The following PCDHA2 variants were observed in gnomAD, a reference collection of about 807,000 sequenced individuals.
PCDHA2 encodes the protein protocadherin alpha 2, also known as protocadherin alpha-2.
Under a neutral mutation model 66.0 loss-of-function variants are expected in PCDHA2, and 58 were observed. The ratio of observed to expected loss-of-function variants is 0.88; its 90% CI spans 0.71 to 1.09. The LOEUF is 1.09. Among genes scored for constraint, PCDHA2 ranks in the 50% least tolerant of loss-of-function variants. PCDHA2 has a pLI of 0.00. For missense variants in PCDHA2, 1,267 were observed against 1,242.3 expected, an observed-to-expected ratio of 1.02 and a Z score of -0.30; for synonymous variants, 634 against 554.0, an observed-to-expected ratio of 1.14 and a Z score of -2.03.
chr5:140,837,972 C>A (rs929090739), intron 1 of PCDHA2, among the ~76,000 whole-genome samples: 3 of 151,768 alleles, frequency 2.0e-5, no homozygotes, highest in Admixed American at 2.0e-4. Flanking sequence ...AACAACCACA[C>A]CCAGCCTGCC....
Position 140,920,254 on chromosome 5 carries a change from A to G in PCDHA2, c.2389-58695A>G, listed in dbSNP as rs117923328. Reference sequence around the variant, plus strand: ...TATATACCCAACAATACATCGCTATAATAATTATTACTTTATGTAATCTTA... The same window carrying G: ...TATATACCCAACAATACATCGCTATGATAATTATTACTTTATGTAATCTTA... On this transcript the variant is annotated intron_variant, in intron 1 of 3. Transcript: ENST00000526136. Among the ~76,000 whole-genome samples the G allele has an allele frequency of 8.5e-5, 13 of 152,332 alleles. No individual in the cohort carries two copies. In the East Asian group the frequency reaches 2.5e-3, roughly 29 times the overall value.
At chr5:140,924,064 G>T (rs1584331926) in intron 1 of PCDHA2, among the ~76,000 whole-genome samples, 1 of 152,172 alleles carries the variant, frequency 6.6e-6, no homozygotes. Context: ...CTTTACAGTT[G>T]TATTTCATCT....
chr5:140,973,574 C>T (rs1485415780), intron 1 of PCDHA2, among the ~76,000 whole-genome samples: 1 of 152,218 alleles, frequency 6.6e-6, no homozygotes, highest in African/African-American at 2.4e-5. Flanking sequence ...AATTTTTCTA[C>T]AGACTGCTGA....
At chr5:140,928,536 GA>G (rs782686789) in intron 1 of PCDHA2, 1 of 1,614,228 alleles carries the variant, frequency 6.2e-7, no homozygotes, top group Non-Finnish European at 8.5e-7. Context: ...TGGTAGATAG[GA>G]ATGACAATTA....
chr5:140,833,359 A>G (rs1015586759), intron 1 of PCDHA2, among the ~76,000 whole-genome samples: 1 of 152,216 alleles, frequency 6.6e-6, no homozygotes, highest in South Asian at 2.1e-4. Context: ...AAACGAACAC[A>G]GTAAGGTAGA....
intron 1 of PCDHA2, chr5:140,801,734 C>T (rs1762772241): frequency 2.5e-6 from 4 of 1,613,912 alleles, no homozygotes; most frequent in South Asian, 2.2e-5. Context: ...AATATTTTAC[C>T]TTGGACGTTA....
chr5:140,940,983 C>G lies in PCDHA2; in HGVS notation c.2389-37966C>G, dbSNP rs572659107. On this transcript the variant is annotated intron_variant, in intron 1 of 3. Coordinates refer to ENST00000526136, the MANE Select transcript of PCDHA2 (RefSeq NM_018905.3). ...ATGCAGGATATCTGGTATCTAGTTA[C>G]AAGTTTATAGGATTAAATTTTCCTT... 3.9e-5 allele frequency among the ~76,000 whole-genome samples: 6 copies of G among 152,294 alleles called. No homozygotes were observed. In the South Asian group the frequency reaches 1.0e-3, roughly 26 times the overall value.
In PCDHA2 at chr5:140,869,946, A is replaced by G. The variant is rs557838493; in HGVS notation, c.2388+72594A>G. 13 of 1,612,442 alleles carry G rather than the reference A, an allele frequency of 8.1e-6. No individual in the cohort carries two copies. In the African/African-American group the frequency reaches 9.3e-5, roughly 12 times the overall value. ...TCAATGGAGAGGTAACATACTCCTTAATGTCAATTAAGCCCAATGGAAGAC... is the reference window on the plus strand; with the variant it reads ...TCAATGGAGAGGTAACATACTCCTTGATGTCAATTAAGCCCAATGGAAGAC... On this transcript the variant is annotated intron_variant, in intron 1 of 3. Transcript: ENST00000526136.
At chr5:140,923,299 G>A (rs921157994) in intron 1 of PCDHA2, among the ~76,000 whole-genome samples, 17 of 152,330 alleles carry the variant, frequency 1.1e-4, no homozygotes, top group Middle Eastern at 3.4e-3. Context: ...TTAGCTGGGC[G>A]TGGGGGCGCT....
At chr5:140,929,395 C>G (rs1317256449) in intron 1 of PCDHA2, 8 of 1,510,412 alleles carry the variant, frequency 5.3e-6, no homozygotes, top group Non-Finnish European at 5.3e-6. Flanking sequence ...TGAAATATTT[C>G]TTAGACAAGC....
At chr5:140,803,485 G>T (rs1562194526) in intron 1 of PCDHA2, 2 of 1,614,220 alleles carry the variant, frequency 1.2e-6, no homozygotes, top group East Asian at 2.2e-5. Flanking sequence ...TCTGGAGAGG[G>T]GTTGCCCAAG....
rs994477615 is a variant in PCDHA2 at position 140,861,542 on chromosome 5, C to T, written c.2388+64190C>T. On this transcript the variant is annotated intron_variant, in intron 1 of 3. Coordinates refer to ENST00000526136, the MANE Select transcript of PCDHA2 (RefSeq NM_018905.3). ...GGAGGATCTCGGAGTGCAGCATCCA[C>T]CTGGAAGTGATCGTGGACAAGCTGC... is the stretch of plus-strand genomic sequence containing the variant. The T allele has an allele frequency of 4.0e-5, 17 of 424,962 alleles. No homozygotes were observed. In the East Asian group the frequency reaches 1.2e-3, roughly 30 times the overall value. The allele number at this position is 424,962 out of a possible 1,614,324, so 26.3% of individuals were successfully genotyped here.
intron 1 of PCDHA2, chr5:140,927,149 T>C: frequency 1.2e-6 from 2 of 1,614,168 alleles, no homozygotes; most frequent in Non-Finnish European, 1.7e-6. Context: ...CGCGAACAGC[T>C]GTGCAGGGCC....
intron 1 of PCDHA2, chr5:140,801,615 C>CT (rs1762749519): frequency 6.2e-7 from 1 of 1,613,990 alleles, no homozygotes; most frequent in African/African-American, 1.3e-5. Flanking sequence ...TGTAAAGAAT[C>CT]TGTTTATTTC....
intron 2 of PCDHA2, among the ~76,000 whole-genome samples, chr5:140,979,370 G>A (rs1247964519): frequency 6.6e-6 from 1 of 150,650 alleles, no homozygotes; most frequent in Non-Finnish European, 1.5e-5. Context: ...TGAGACTTGG[G>A]TACATTGTGC....
chr5:140,822,949 G>T (rs2150120687), intron 1 of PCDHA2: 8 of 1,614,230 alleles, frequency 5.0e-6, no homozygotes, highest in Non-Finnish European at 6.8e-6. Flanking sequence ...AATGCCCCAC[G>T]TTCCCTTCAA....
chr5:140,868,951 A>C (rs2050753987), intron 1 of PCDHA2: 1 of 1,321,466 alleles, frequency 7.6e-7, no homozygotes, highest in African/African-American at 1.5e-5. Context: ...ACAGTGAGGC[A>C]CTCCCATACA....
intron 1 of PCDHA2, among the ~76,000 whole-genome samples, chr5:140,972,550 A>G (rs534377572): frequency 6.6e-6 from 1 of 152,114 alleles, no homozygotes; most frequent in Admixed American, 6.5e-5. Context: ...TGCAGTGAGG[A>G]TTCTGAAGTA....
intron 1 of PCDHA2, among the ~76,000 whole-genome samples, chr5:140,932,376 A>G (rs2088262778): frequency 6.6e-6 from 1 of 151,964 alleles, no homozygotes; most frequent in African/African-American, 2.4e-5. Context: ...TTTCCACATG[A>G]AAGTTATACA....
Sources: gnomAD v4.1 joint callset for allele counts (sites outside exome capture counted in the v4.1 genomes callset) on GRCh38, gnomAD v4.1.1 for gene constraint, MANE v1.5 for transcripts, NCBI Gene and HGNC (gene_info 2026-07-23, HGNC 2026-07-21) for gene names.